SLC10A7: variants seen among roughly 807,000 people sequenced by gnomAD.
SLC10A7 encodes sodium/bile acid cotransporter 7.
A neutral mutation model predicts 43.2 loss-of-function variants in SLC10A7; 29 were observed. The observed-to-expected ratio is 0.67, with a 90% CI of 0.50 to 0.92. The LOEUF (loss-of-function observed/expected upper bound fraction) is 0.92. SLC10A7 is among the 40% of genes least tolerant of loss of function. SLC10A7 has a pLI of 0.00. For missense variants in SLC10A7, 295 were observed against 403.2 expected (o/e 0.73, Z 2.30); for synonymous variants, 152 against 144.8 (o/e 1.05, Z -0.35).
At chr4:146,406,787 G>C (rs546715413) in intron 5 of SLC10A7, among the ~76,000 whole-genome samples, 1 of 151,942 alleles carries the variant, frequency 6.6e-6, no homozygotes, top group Non-Finnish European at 1.5e-5. Context: ...GTTTGAGACC[G>C]GGCTGGCCAA....
chr4:146,516,498 A>C (rs1410508788), intron 2 of SLC10A7, among the ~76,000 whole-genome samples: 1 of 149,414 alleles, frequency 6.7e-6, no homozygotes, highest in Non-Finnish European at 1.5e-5. Flanking sequence ...ACACATATAC[A>C]TATACACATA....
chr4:146,306,690 T>C (rs1560783198), intron 6 of SLC10A7, among the ~76,000 whole-genome samples: 1 of 151,976 alleles, frequency 6.6e-6, no homozygotes, highest in Non-Finnish European at 1.5e-5. Flanking sequence ...AGCACAAGAG[T>C]GCTTATCTAC....
chr4:146,306,162 G>A (rs1260238043), intron 6 of SLC10A7, among the ~76,000 whole-genome samples, 153 bp from the exon 7 acceptor site: 6 of 152,196 alleles, frequency 3.9e-5, no homozygotes, highest in African/African-American at 1.2e-4. Context: ...AATTTTCTAA[G>A]TTCAACACAA....
At chr4:146,425,440 G>A (rs114655768) in intron 5 of SLC10A7, among the ~76,000 whole-genome samples, 2,466 of 152,280 alleles carry the variant, frequency 0.016, 59 homozygotes, top group African/African-American at 0.057. Context: ...TACCTAAAAT[G>A]TGGCTAGTGT....
intron 8 of SLC10A7, among the ~76,000 whole-genome samples, 187 bp from the exon 9 acceptor site, chr4:146,293,167 T>C (rs570617937): frequency 6.6e-6 from 1 of 152,340 alleles, no homozygotes; most frequent in South Asian, 2.1e-4. Flanking sequence ...TCTGTTCTTA[T>C]TGATGATATC....
intron 10 of SLC10A7, among the ~76,000 whole-genome samples, chr4:146,278,859 G>A (rs17828118): frequency 0.47 from 71,808 of 151,906 alleles, 17,159 homozygotes; most frequent in Admixed American, 0.57. Flanking sequence ...CTAGAATCAG[G>A]GATGTGCTCT....
At chr4:146,478,621 A>T (rs1734224007) in intron 4 of SLC10A7, among the ~76,000 whole-genome samples, 1 of 152,228 alleles carries the variant, frequency 6.6e-6, no homozygotes, top group South Asian at 2.1e-4. Context: ...TGTCAGCTGA[A>T]GGGTTACACC....
At chr4:146,442,620 C>A in intron 5 of SLC10A7, 163 bp downstream of exon 5, 1 of 1,465,744 alleles carries the variant, frequency 6.8e-7, no homozygotes, top group Non-Finnish European at 9.0e-7. Context: ...TTGCTTTATT[C>A]ATTAACTACT....
chr4:146,452,473 A>G (rs1378280349), intron 4 of SLC10A7, among the ~76,000 whole-genome samples: 1 of 152,174 alleles, frequency 6.6e-6, no homozygotes, highest in Non-Finnish European at 1.5e-5. Context: ...AAACATTTTC[A>G]TTCTATCTGT....
chr4:146,275,950 G>T (rs1729178354), intron 10 of SLC10A7, among the ~76,000 whole-genome samples: 1 of 152,036 alleles, frequency 6.6e-6, no homozygotes, highest in Non-Finnish European at 1.5e-5. Flanking sequence ...AGCAGAATTT[G>T]GTGATCTTCC....
At chr4:146,463,488 C>A (rs1732720631) in intron 4 of SLC10A7, among the ~76,000 whole-genome samples, 1 of 152,258 alleles carries the variant, frequency 6.6e-6, no homozygotes, top group East Asian at 1.9e-4. Context: ...CATCTGTAAT[C>A]CCAGCACTTT....
At chr4:146,385,401 AT>A (rs1205909675) in intron 5 of SLC10A7, among the ~76,000 whole-genome samples, 1 of 152,042 alleles carries the variant, frequency 6.6e-6, no homozygotes, top group Non-Finnish European at 1.5e-5. Context: ...GTAGAATCTC[AT>A]TGCTTTAACT....
intron 6 of SLC10A7, among the ~76,000 whole-genome samples, chr4:146,323,579 G>T (rs1309034428): frequency 1.3e-5 from 2 of 152,056 alleles, no homozygotes; most frequent in African/African-American, 4.8e-5. Flanking sequence ...CTGTTCCACT[G>T]GTCTCTCTGT....
rs80081354 is a variant in SLC10A7, at chr4:146,265,092, C to T, written c.848-6255G>A. 9.1e-3 allele frequency among the ~76,000 whole-genome samples: 1,382 copies of T among 152,288 alleles called. 24 individuals are homozygous for T. Among genetic ancestry groups the T allele is most frequent in the African/African-American group, 0.031 (1,293 of 41,550 alleles). ...TTCAGTAAAAAACAATCATTACTAC[C>T]ACTATTATGTAAGCACTACTGGATG... On this transcript the variant is annotated intron_variant, in intron 10 of 11. Coordinates refer to ENST00000335472, the MANE Select transcript of SLC10A7 (RefSeq NM_001029998.6).
chr4:146,384,989 C>T (rs1284077926), intron 5 of SLC10A7, among the ~76,000 whole-genome samples: 1 of 151,998 alleles, frequency 6.6e-6, no homozygotes, highest in African/African-American at 2.4e-5. Context: ...GAATCAACTA[C>T]CCTTACTGAA....
intron 6 of SLC10A7, among the ~76,000 whole-genome samples, chr4:146,322,263 C>T (rs765724136): frequency 6.6e-5 from 10 of 151,856 alleles, no homozygotes; most frequent in Non-Finnish European, 1.0e-4. Context: ...GGTACATGTG[C>T]GCAATGTGCA....
chr4:146,353,490 C>G lies in SLC10A7; in HGVS notation c.436-27494G>C, dbSNP rs1284934793. 1.0e-3 allele frequency among the ~76,000 whole-genome samples: 128 copies of G among 126,784 alleles called. 4 individuals are homozygous for G. In the South Asian group the frequency reaches 0.037, roughly 36 times the overall value. 83.2% of individuals were successfully genotyped at this position (126,784 alleles called of 152,430 possible). On this transcript the variant is annotated intron_variant, in intron 5 of 11. Transcript: ENST00000335472. ...GGAACTGGTACCATTCCTTCTGAAA[C>G]TATTCCAATCAATAGAAAAAGAGGG...
At chr4:146,364,228 T>C (rs1179202100) in intron 5 of SLC10A7, among the ~76,000 whole-genome samples, 2 of 151,984 alleles carry the variant, frequency 1.3e-5, no homozygotes, top group South Asian at 2.1e-4. Context: ...TGCCAATAAA[T>C]TGGAAAACCT....
intron 6 of SLC10A7, among the ~76,000 whole-genome samples, chr4:146,323,751 G>C (rs1732904233): frequency 6.6e-6 from 1 of 152,096 alleles, no homozygotes; most frequent in Non-Finnish European, 1.5e-5. Flanking sequence ...CATTCCCTTT[G>C]AAAACTGGCA....
Sources: gnomAD v4.1 joint callset for allele counts (sites outside exome capture counted in the v4.1 genomes callset) on GRCh38, gnomAD v4.1.1 for gene constraint, MANE v1.5 for transcripts, NCBI Gene and HGNC (gene_info 2026-07-23, HGNC 2026-07-21) for gene names.